Variants in RASGRF2 observed in about 807,000 individuals in gnomAD.
The protein encoded by RASGRF2 is Ras protein specific guanine nucleotide releasing factor 2.
A neutral mutation model predicts 151.0 loss-of-function variants in RASGRF2; 76 were observed. The observed-to-expected ratio is 0.50, with a 90% CI of 0.42 to 0.61. The LOEUF is 0.61. Among genes scored for constraint, RASGRF2 ranks in the 20% least tolerant of loss-of-function variants. The probability of loss-of-function intolerance (pLI) is 0.00; values close to 1 mark genes in which losing one functional copy is unlikely to be tolerated. For missense variants in RASGRF2, 1,148 were observed against 1,564.6 expected (o/e 0.73, Z 4.49); for synonymous variants, 504 against 566.5 (o/e 0.89, Z 1.57).
chr5:81,180,057 C>G (rs1371106345), intron 17 of RASGRF2, 118 bp from the exon 18 acceptor site: 2 of 648,776 alleles, frequency 3.1e-6, no homozygotes, highest in Non-Finnish European at 5.7e-6. Flanking sequence ...GCGCACCTCT[C>G]TGCCAAGAAG....
chr5:81,169,914 C>T (rs1474724570), intron 17 of RASGRF2, among the ~76,000 whole-genome samples: 2 of 15,598 alleles, frequency 1.3e-4, no homozygotes, highest in African/African-American at 3.3e-4. Context: ...ATACCACCTG[C>T]GTCACCTGCA....
At chr5:81,130,384 G>A (rs77481487) in intron 17 of RASGRF2, among the ~76,000 whole-genome samples, 2 of 152,330 alleles carry the variant, frequency 1.3e-5, no homozygotes, top group Admixed American at 6.5e-5. Context: ...GCAGCAAGTT[G>A]CACAGGGGTC....
chr5:81,193,941 G>A (rs1390931283), intron 18 of RASGRF2, among the ~76,000 whole-genome samples: 1 of 152,178 alleles, frequency 6.6e-6, no homozygotes, highest in Non-Finnish European at 1.5e-5. Flanking sequence ...TCTGACCTTG[G>A]ATAAGATACC....
At chr5:81,164,897 G>A (rs1754470303) in intron 17 of RASGRF2, among the ~76,000 whole-genome samples, 1 of 152,210 alleles carries the variant, frequency 6.6e-6, no homozygotes, top group South Asian at 2.1e-4. Flanking sequence ...TGTTTTAAGA[G>A]TTTTCAGTAA....
chr5:81,018,227 T>G (rs1749706528), intron 1 of RASGRF2, among the ~76,000 whole-genome samples: 1 of 152,154 alleles, frequency 6.6e-6, no homozygotes, highest in Non-Finnish European at 1.5e-5. Context: ...AGAAACCCCT[T>G]GCAAGTAACA....
chr5:81,217,662 C>T (rs568819556), intron 25 of RASGRF2, among the ~76,000 whole-genome samples, 189 bp downstream of exon 25: 6 of 146,076 alleles, frequency 4.1e-5, no homozygotes, highest in African/African-American at 1.5e-4. Context: ...TCACTGCAAC[C>T]TCTGCCTCTG....
chr5:81,221,958 T>G (rs536564051), intron 26 of RASGRF2, among the ~76,000 whole-genome samples: 1 of 151,810 alleles, frequency 6.6e-6, no homozygotes, highest in East Asian at 1.9e-4. Flanking sequence ...GCCTATGCAC[T>G]CCAGCCTGGG....
rs548835648 is a variant in RASGRF2 at position 81,205,677 on chromosome 5, G to A, written c.2907-1168G>A. Among the ~76,000 whole-genome samples the A allele has an allele frequency of 5.3e-5, 8 of 152,132 alleles. 1 individual carries two copies. The highest frequency in any genetic ancestry group is 2.1e-4 in the South Asian group (1 of 4,818). ...TCTCTTCATATCGCATAAATCTTTC[G>A]CCTTTTACTAAAAGTAGCTTCCTCC... On this transcript the variant is annotated intron_variant, in intron 19 of 26. Coordinates refer to ENST00000265080, the MANE Select transcript of RASGRF2 (RefSeq NM_006909.3).
intron 7 of RASGRF2, among the ~76,000 whole-genome samples, chr5:81,084,943 C>T (rs917863234): frequency 2.0e-5 from 3 of 152,178 alleles, no homozygotes; most frequent in Admixed American, 1.3e-4. Flanking sequence ...GGCAAGTTAC[C>T]AAACTTCTTC....
chr5:81,168,305 T>TTC (rs760589499), intron 17 of RASGRF2, among the ~76,000 whole-genome samples: 75 of 91,304 alleles, frequency 8.2e-4, no homozygotes, highest in Middle Eastern at 5.7e-3. Context: ...TTTTTTTTTC[T>TTC]TCTCTTTTTT....
chr5:81,184,726 C>G (rs775183653), intron 18 of RASGRF2, among the ~76,000 whole-genome samples: 3 of 152,206 alleles, frequency 2.0e-5, no homozygotes, highest in Non-Finnish European at 2.9e-5. Flanking sequence ...AATCTCCTCC[C>G]CAAAGGAGTT....
chr5:81,120,365 C>A (rs1416186067), intron 15 of RASGRF2, among the ~76,000 whole-genome samples: 2 of 151,928 alleles, frequency 1.3e-5, no homozygotes, highest in Admixed American at 6.6e-5. Context: ...TCGCTGGAGC[C>A]TAGGAATTCG....
At chr5:81,213,595 A>G (rs1216507046) in intron 23 of RASGRF2, among the ~76,000 whole-genome samples, 1 of 152,172 alleles carries the variant, frequency 6.6e-6, no homozygotes, top group Non-Finnish European at 1.5e-5. Flanking sequence ...TGAGGATTTA[A>G]GCCCCTCTCA....
intron 18 of RASGRF2, among the ~76,000 whole-genome samples, chr5:81,182,392 A>G (rs1397697706): frequency 2.0e-5 from 3 of 152,184 alleles, no homozygotes; most frequent in Non-Finnish European, 4.4e-5. Flanking sequence ...CAACCTTGTC[A>G]TGTGAATCTC....
intron 18 of RASGRF2, among the ~76,000 whole-genome samples, chr5:81,197,069 A>C (rs1312974348): frequency 2.6e-5 from 4 of 152,186 alleles, no homozygotes; most frequent in Non-Finnish European, 5.9e-5. Context: ...CATCATCTGA[A>C]GCCTTAATAT....
intron 13 of RASGRF2, 107 bp from the exon 14 acceptor site, chr5:81,112,503 G>C: frequency 2.8e-6 from 4 of 1,442,538 alleles, no homozygotes; most frequent in Non-Finnish European, 3.8e-6. Flanking sequence ...ATCAAATGCA[G>C]TGAGAAGCCC....
intron 1 of RASGRF2, among the ~76,000 whole-genome samples, chr5:81,019,229 T>C (rs900754395): frequency 1.3e-5 from 2 of 150,232 alleles, no homozygotes; most frequent in African/African-American, 4.9e-5. Flanking sequence ...TATTCAAATT[T>C]CTGGGGAGTA....
Position 81,212,533 on chromosome 5 carries a change from G to A in RASGRF2, c.3324G>A (p.Leu1108=). The change falls in exon 23 of 27, where the codon CTG becomes CTA. Residue 1108 remains leucine, a synonymous_variant. Transcript: ENST00000265080. ...TAAACAGAAGTGCCATCTACAGGCT[G>A]AAGAAAACCTGGGCCAAGGTCTCTA... ...SALNRSAIYR[L]KKTWAKVSKQ... 6 of 1,612,386 alleles carry A rather than the reference G, an allele frequency of 3.7e-6. No homozygotes were observed. The highest frequency in any genetic ancestry group is 5.1e-6 in the Non-Finnish European group (6 of 1,179,216).
chr5:80,995,690 C>CCCA (rs1561544123), intron 1 of RASGRF2, among the ~76,000 whole-genome samples: 1 of 130,100 alleles, frequency 7.7e-6, no homozygotes, highest in Admixed American at 8.0e-5. Context: ...TCCTTCCCCC[C>CCCA]CCCTTTTTTT....
Sources: gnomAD v4.1 joint callset for allele counts (sites outside exome capture counted in the v4.1 genomes callset) on GRCh38, gnomAD v4.1.1 for gene constraint, MANE v1.5 for transcripts, NCBI Gene and HGNC (gene_info 2026-07-23, HGNC 2026-07-21) for gene names.